The following UXS1 variants were observed in gnomAD, a reference collection of about 807,000 sequenced individuals.
UXS1 encodes the protein UDP-glucuronic acid decarboxylase 1.
UXS1 carries 33 observed loss-of-function variants against 62.6 expected under a neutral mutation model. The ratio of observed to expected loss-of-function variants is 0.53; its 90% CI spans 0.40 to 0.70. The LOEUF is 0.70. Among genes scored for constraint, UXS1 ranks in the 30% least tolerant of loss-of-function variants. UXS1 has a pLI of 0.00. For synonymous variants in UXS1, 213 were observed against 206.8 expected (o/e 1.03, Z -0.26); for missense variants, 434 against 556.3 (o/e 0.78, Z 2.21).
At chr2:106,100,963 G>T in intron 12 of UXS1, 95 bp downstream of exon 12, 1 of 1,446,126 alleles carries the variant, frequency 6.9e-7, no homozygotes. Flanking sequence ...TAAGTGTGCC[G>T]ATGGCAAATG....
At chr2:106,099,138 C>T (rs1188476369) in intron 12 of UXS1, among the ~76,000 whole-genome samples, 1 of 152,196 alleles carries the variant, frequency 6.6e-6, no homozygotes, top group African/African-American at 2.4e-5. Context: ...TCTCCTAACA[C>T]TATCTATTCC....
At chr2:106,095,290 C>G (rs940801872) in intron 14 of UXS1, among the ~76,000 whole-genome samples, 4 of 152,128 alleles carry the variant, frequency 2.6e-5, no homozygotes, top group African/African-American at 9.7e-5. Flanking sequence ...AACAAGAAAC[C>G]TAGGCTGCTA....
In UXS1 at chr2:106,138,782, A is replaced by C. The variant is rs1049880805; in HGVS notation, c.472+6408T>G. On this transcript the variant is annotated intron_variant, in intron 6 of 14. Transcript: ENST00000283148. ...CTGCTGCATCCTCCCATTTGAGAGGAAACTGAAAACCCTATGAAAATCAAA... is the reference window on the plus strand; with the variant it reads ...CTGCTGCATCCTCCCATTTGAGAGGCAACTGAAAACCCTATGAAAATCAAA... 4.1e-6 allele frequency: 4 copies of C among 985,362 alleles called. No homozygotes were observed. The African/African-American group carries it at 7.0e-5, about 17-fold the overall frequency. The allele number at this position is 985,362 out of a possible 1,614,324, so 61.0% of individuals were successfully genotyped here. A position where few individuals can be genotyped will look rare whatever the true frequency, so the allele number is the denominator to read the frequency against.
chr2:106,153,657 T>TG (rs542563730), intron 5 of UXS1, among the ~76,000 whole-genome samples: 40 of 152,030 alleles, frequency 2.6e-4, no homozygotes, highest in African/African-American at 9.2e-4. Context: ...TTACAAGACA[T>TG]GCAAAGAAAC....
At chr2:106,118,365 T>C (rs1156378573) in intron 9 of UXS1, among the ~76,000 whole-genome samples, 1 of 152,204 alleles carries the variant, frequency 6.6e-6, no homozygotes, top group African/African-American at 2.4e-5. Context: ...TTCTTTCCAC[T>C]CTGCCATTTG....
At chr2:106,097,763 C>T (rs1291952874) in intron 13 of UXS1, 1 of 168,628 alleles carries the variant, frequency 5.9e-6, no homozygotes, top group Non-Finnish European at 1.3e-5. Flanking sequence ...GTGGATGGCA[C>T]AGAGCTGTGA....
At chr2:106,163,626 CTT>C (rs1326317041) in intron 4 of UXS1, 39 bp downstream of exon 4, 2 of 1,381,384 alleles carry the variant, frequency 1.4e-6, no homozygotes, top group Non-Finnish European at 1.9e-6. Flanking sequence ...TTGAGACAAA[CTT>C]ATTTTAACTA....
chr2:106,140,091 G>A (rs138151638), intron 6 of UXS1, among the ~76,000 whole-genome samples: 66 of 152,238 alleles, frequency 4.3e-4, no homozygotes, highest in African/African-American at 1.5e-3. Context: ...AATTTCTCTC[G>A]GCACAAAGAA....
chr2:106,179,323 C>T (rs73951249), intron 1 of UXS1, among the ~76,000 whole-genome samples: 206 of 152,254 alleles, frequency 1.4e-3, no homozygotes, highest in African/African-American at 4.7e-3. Context: ...AAGGCCCTGC[C>T]CTGCACTTCT....
chr2:106,122,994 G>T lies in UXS1; in HGVS notation c.735C>A (p.Thr245=). The part of the protein sequence containing the change: ...CYDEGKRVAE[T]MCYAYMKQEG... Reference sequence around the variant, plus strand: ...CCTGCTTCATGTAGGCATAGCACATGGTCTCTGCAACACGTTTGCCTTCAT... The same window carrying T: ...CCTGCTTCATGTAGGCATAGCACATTGTCTCTGCAACACGTTTGCCTTCAT... Residue 245 remains threonine (T), a synonymous_variant, in exon 9 of 15, where the codon ACC becomes ACA. Transcript: ENST00000283148. 3 of 1,613,890 alleles carry T rather than the reference G, an allele frequency of 1.9e-6. No homozygotes were observed. The highest frequency in any genetic ancestry group is 2.5e-6 in the Non-Finnish European group (3 of 1,179,836).
chr2:106,125,648 G>A lies in UXS1; in HGVS notation c.609C>T (p.Leu203=), dbSNP rs1679877040. 2.5e-6 allele frequency: 4 copies of A among 1,580,264 alleles called. No homozygotes were observed. Among genetic ancestry groups the A allele is most frequent in the Admixed American group, 1.8e-5 (1 of 55,332 alleles). The change falls in exon 8 of 15, where the codon CTC becomes CTT. Residue 203 remains leucine (L), a synonymous_variant. Transcript: ENST00000283148. ...GLAKRVGARL[L]LASTSEVYGD... ...CATACACCTCCGATGTGGAGGCCAG[G>A]AGCAGACGGGCACCGACTCGTTTTG...
rs1227197133 is a variant in UXS1, at chr2:106,166,299, A to G, written c.95-216T>C. The G allele has an allele frequency of 1.4e-5, 7 of 489,128 alleles. No homozygotes were observed. The East Asian group carries it at 2.1e-4, about 14-fold the overall frequency. The allele number at this position is 489,128 out of a possible 1,614,324, so 30.3% of individuals were successfully genotyped here. ...AGAGTTTATTCAGGCCAAGTTTGAGAACTGCAACCCAGGAACATCAATTCA... is the reference window on the plus strand; with the variant it reads ...AGAGTTTATTCAGGCCAAGTTTGAGGACTGCAACCCAGGAACATCAATTCA... On this transcript the variant is annotated intron_variant, in intron 1 of 14. Coordinates refer to ENST00000283148, the MANE Select transcript of UXS1 (RefSeq NM_001253875.2).
At chr2:106,147,787 TTG>T (rs1390049929) in intron 5 of UXS1, among the ~76,000 whole-genome samples, 1 of 152,218 alleles carries the variant, frequency 6.6e-6, no homozygotes, top group Non-Finnish European at 1.5e-5. Flanking sequence ...CTTCTTGGTT[TTG>T]TGTTTCCTGG....
At chr2:106,128,704 G>C (rs761339956) in intron 7 of UXS1, among the ~76,000 whole-genome samples, 1 of 152,220 alleles carries the variant, frequency 6.6e-6, no homozygotes, top group Non-Finnish European at 1.5e-5. Context: ...CCAATCTCTC[G>C]TAACAAATCT....
intron 1 of UXS1, among the ~76,000 whole-genome samples, chr2:106,174,352 G>T (rs1683745396): frequency 6.6e-6 from 1 of 152,246 alleles, no homozygotes; most frequent in Admixed American, 6.5e-5. Flanking sequence ...AAGCAGCGGT[G>T]TGAGAGACAA....
At chr2:106,166,141 A>T in intron 1 of UXS1, 58 bp from the exon 2 acceptor site, 1 of 1,502,850 alleles carries the variant, frequency 6.7e-7, no homozygotes, top group Non-Finnish European at 9.1e-7. Context: ...CAGGGATTCC[A>T]ATGGATGGAA....
chr2:106,143,765 G>A (rs1327087577), intron 6 of UXS1, among the ~76,000 whole-genome samples: 1 of 152,160 alleles, frequency 6.6e-6, no homozygotes, highest in Admixed American at 6.5e-5. Context: ...AGCTTCCAGA[G>A]GCTGCCAACA....
At chr2:106,146,884 G>A (rs1681622439) in intron 5 of UXS1, among the ~76,000 whole-genome samples, 1 of 151,866 alleles carries the variant, frequency 6.6e-6, no homozygotes, top group Non-Finnish European at 1.5e-5. Flanking sequence ...GTTGGGTGCA[G>A]TGGCTCATGC....
intron 1 of UXS1, among the ~76,000 whole-genome samples, chr2:106,168,746 T>C (rs1250856904): frequency 2.0e-5 from 3 of 152,222 alleles, no homozygotes; most frequent in Non-Finnish European, 4.4e-5. Context: ...AATTGCTGTA[T>C]AAATTGTCAT....
Sources: allele counts gnomAD v4.1 joint callset (sites outside exome capture counted in the v4.1 genomes callset), GRCh38; gene constraint gnomAD v4.1.1; transcripts MANE v1.5; gene names NCBI Gene and HGNC (gene_info 2026-07-23, HGNC 2026-07-21).